EIF2AK4: variants seen among roughly 807,000 people sequenced by gnomAD.
EIF2AK4 encodes the protein eukaryotic translation initiation factor 2 alpha kinase 4.
A neutral mutation model predicts 211.1 loss-of-function variants in EIF2AK4; 139 were observed. The ratio of observed to expected loss-of-function variants is 0.66; its 90% CI spans 0.57 to 0.76. The LOEUF (loss-of-function observed/expected upper bound fraction) is 0.76, where lower values mean the gene tolerates loss of function less well. Ranked by LOEUF, EIF2AK4 falls within the 30% of genes least tolerant of loss-of-function variation. EIF2AK4 has a pLI of 0.00. For synonymous variants in EIF2AK4, 710 were observed against 751.3 expected, an observed-to-expected ratio of 0.94 and a Z score of 0.90; for missense variants, 1,664 against 2,043.8, an observed-to-expected ratio of 0.81 and a Z score of 3.58.
rs771052878 is a variant in EIF2AK4 at position 40,011,295 on chromosome 15, G to A, written c.3708G>A (p.Thr1236=). 2.2e-5 allele frequency: 36 copies of A among 1,613,760 alleles called. No individual in the cohort carries two copies. The highest frequency in any genetic ancestry group is 4.4e-5 in the South Asian group (4 of 91,036). Reference sequence around the variant, plus strand: ...TTCCACGTTAGACAGAGAAGCTGACGAGGAGAGAAGTGGAAGCTAAATTTT... The same window carrying A: ...TTCCACGTTAGACAGAGAAGCTGACAAGGAGAGAAGTGGAAGCTAAATTTT... ...ILYDAVTEKL[T]RREVEAKFCN... The change falls in exon 27 of 39, where the codon ACG becomes ACA. Residue 1236 remains threonine, a synonymous_variant. Transcript: ENST00000263791.
At chr15:40,016,338 G>A (rs1031076336) in intron 27 of EIF2AK4, among the ~76,000 whole-genome samples, 164 bp from the exon 28 acceptor site, 3 of 152,206 alleles carry the variant, frequency 2.0e-5, no homozygotes, top group Non-Finnish European at 2.9e-5. Context: ...GTTGGAAAAG[G>A]ATAATCCTTA....
intron 18 of EIF2AK4, among the ~76,000 whole-genome samples, chr15:39,994,977 G>T (rs2035000172): frequency 6.6e-6 from 1 of 152,094 alleles, no homozygotes; most frequent in Non-Finnish European, 1.5e-5. Flanking sequence ...GAGTAGCTGG[G>T]ATTACAGACG....
At chr15:39,970,157 T>C (rs2034603450) in intron 9 of EIF2AK4, among the ~76,000 whole-genome samples, 1 of 152,218 alleles carries the variant, frequency 6.6e-6, no homozygotes, top group Non-Finnish European at 1.5e-5. Flanking sequence ...TATGAAGAAA[T>C]GTGGGTGTTG....
At chr15:40,009,775 G>T (rs1388572683) in intron 26 of EIF2AK4, 45 bp downstream of exon 26, 1 of 1,263,900 alleles carries the variant, frequency 7.9e-7, no homozygotes. Context: ...ATACCTTGAT[G>T]TTGAAAGATA....
chr15:39,965,619 C>T, intron 7 of EIF2AK4, 67 bp from the exon 8 acceptor site: 5 of 1,574,078 alleles, frequency 3.2e-6, no homozygotes, highest in Non-Finnish European at 4.3e-6. Context: ...GTATTACCCC[C>T]TCCCTTCCTT....
intron 32 of EIF2AK4, among the ~76,000 whole-genome samples, chr15:40,024,690 G>A (rs1034144095): frequency 1.5e-5 from 2 of 130,342 alleles, no homozygotes; most frequent in Non-Finnish European, 3.3e-5. Flanking sequence ...GAGCCACTGC[G>A]CCCAGCCTCC....
chr15:39,990,466 C>T (rs1461400419), intron 16 of EIF2AK4, 89 bp downstream of exon 16: 2 of 1,100,940 alleles, frequency 1.8e-6, no homozygotes, highest in African/African-American at 3.1e-5. Context: ...ATAGTGCGTT[C>T]ACAGAACTAT....
At chr15:39,990,434 C>G in intron 16 of EIF2AK4, 57 bp downstream of exon 16, 1 of 1,408,164 alleles carries the variant, frequency 7.1e-7, no homozygotes, top group Non-Finnish European at 1.0e-6. Context: ...TCTTGATAAT[C>G]CTGGAAGTGT....
chr15:40,021,798 C>G (rs1329889939), intron 31 of EIF2AK4: 1 of 152,346 alleles, frequency 6.6e-6, no homozygotes, highest in Non-Finnish European at 1.5e-5. Flanking sequence ...TAAAGGTGCC[C>G]CAGAGCATGG....
intron 32 of EIF2AK4, 102 bp downstream of exon 32, chr15:40,022,707 G>C (rs1018248152): frequency 2.0e-5 from 19 of 964,314 alleles, no homozygotes; most frequent in Non-Finnish European, 2.8e-5. Context: ...CTGGAAATCC[G>C]TTCCCTCTAC....
intron 26 of EIF2AK4, 90 bp downstream of exon 26, chr15:40,009,820 C>A: frequency 2.1e-6 from 2 of 973,200 alleles, no homozygotes; most frequent in Non-Finnish European, 3.1e-6. Context: ...CTTACCCATG[C>A]AGCCATGAAA....
At chr15:40,027,843 A>G (rs1023795669) in intron 33 of EIF2AK4, among the ~76,000 whole-genome samples, 17 of 151,454 alleles carry the variant, frequency 1.1e-4, no homozygotes, top group Admixed American at 1.1e-3. Flanking sequence ...GTGAGTGGAG[A>G]TCGTGGACTG....
intron 18 of EIF2AK4, among the ~76,000 whole-genome samples, chr15:39,994,976 G>A (rs900764747): frequency 2.6e-5 from 4 of 152,032 alleles, no homozygotes; most frequent in Admixed American, 6.6e-5. Context: ...CGAGTAGCTG[G>A]GATTACAGAC....
chr15:39,973,689 C>A lies in EIF2AK4; in HGVS notation c.1758C>A (p.Tyr586Ter), dbSNP rs1226609590. The change falls in exon 11 of 39, where the codon TAC (tyrosine) becomes TAA (stop). Residue 586 changes from tyrosine (Y) to a stop codon, truncating the protein, a stop_gained. Coordinates refer to ENST00000263791, the MANE Select transcript of EIF2AK4 (RefSeq NM_001013703.4). LOFTEE classifies it high-confidence loss of function. The part of the protein sequence containing the change: ...FSETQRQFSR[Y>*]FIEFEELQLL... ...AGACACAGAGACAGTTTTCCCGATA[C>A]TTCATTGAGTTTGAAGAATTACAAC... is the stretch of plus-strand genomic sequence containing the variant. The A allele has an allele frequency of 8.7e-6, 14 of 1,614,178 alleles. No homozygotes were observed. The highest frequency in any genetic ancestry group is 1.2e-5 in the Non-Finnish European group (14 of 1,179,996).
chr15:40,029,427 A>G lies in EIF2AK4; in HGVS notation c.4524A>G (p.Ala1508=). The change falls in exon 34 of 39, where the codon GCA becomes GCG. Residue 1508 remains alanine, a synonymous_variant. Transcript: ENST00000263791. ...RNGREASDNL[A]VQNLKGSFSN... ...TTAGAGAAGCTTCCGATAATCTTGC[A>G]GTGCAAAATCTGAAGGGGTCATTTT... 1.9e-6 allele frequency: 3 copies of G among 1,613,186 alleles called. No homozygotes were observed. Among genetic ancestry groups the G allele is most frequent in the Non-Finnish European group, 2.5e-6 (3 of 1,179,844 alleles).
In EIF2AK4 at chr15:39,964,281, A is replaced by G. The variant is rs370023925; in HGVS notation, c.860-1405A>G. Among the ~76,000 whole-genome samples, 4 of 152,354 alleles carry G rather than the reference A, an allele frequency of 2.6e-5. No homozygotes were observed. In the East Asian group the frequency reaches 5.8e-4, roughly 22 times the overall value. On this transcript the variant is annotated intron_variant, in intron 7 of 38. Transcript: ENST00000263791. Reference sequence around the variant, plus strand: ...TTTGATTATTCAAATAGAAAAGATAATTAGCAATGTCTCTTTAAAAATTTG... The same window carrying G: ...TTTGATTATTCAAATAGAAAAGATAGTTAGCAATGTCTCTTTAAAAATTTG...
intron 14 of EIF2AK4, among the ~76,000 whole-genome samples, chr15:39,987,339 C>G (rs1419813990): frequency 2.0e-5 from 3 of 152,210 alleles, no homozygotes; most frequent in African/African-American, 7.2e-5. Flanking sequence ...TGGTCTTCCT[C>G]TCTTTAAAAA....
At chr15:39,998,834 T>G (rs751586949) in intron 20 of EIF2AK4, 50 bp downstream of exon 20, 1 of 1,461,400 alleles carries the variant, frequency 6.8e-7, no homozygotes, top group Non-Finnish European at 9.4e-7. Flanking sequence ...GCATTTTAAT[T>G]ATTATTTTTC....
At chr15:39,992,095 C>A in intron 16 of EIF2AK4, 80 bp from the exon 17 acceptor site, 1 of 1,273,632 alleles carries the variant, frequency 7.9e-7, no homozygotes, top group Non-Finnish European at 1.1e-6. Flanking sequence ...TTTCCTCAGT[C>A]TTCATTTAGA....
Sources: gnomAD v4.1 joint callset for allele counts (sites outside exome capture counted in the v4.1 genomes callset) on GRCh38, gnomAD v4.1.1 for gene constraint, MANE v1.5 for transcripts, NCBI Gene and HGNC (gene_info 2026-07-23, HGNC 2026-07-21) for gene names.